Variants in LRP6 observed in about 807,000 individuals in gnomAD.
The protein encoded by LRP6 is low-density lipoprotein receptor-related protein 6.
In LRP6, 43 loss-of-function variants were observed where a neutral mutation model predicts 184.1. The observed-to-expected ratio is 0.23, with a 90% CI of 0.18 to 0.30. The LOEUF (loss-of-function observed/expected upper bound fraction) is 0.30. Among genes scored for constraint, LRP6 ranks in the 10% least tolerant of loss-of-function variants. The pLI is 1.00. For synonymous variants in LRP6, 719 were observed against 684.9 expected, an observed-to-expected ratio of 1.05 and a Z score of -0.78; for missense variants, 1,571 against 2,005.3, an observed-to-expected ratio of 0.78 and a Z score of 4.14.
intron 15 of LRP6, among the ~76,000 whole-genome samples, chr12:12,141,944 T>G (rs149343508): frequency 6.6e-6 from 1 of 152,188 alleles, no homozygotes; most frequent in East Asian, 1.9e-4. Context: ...ATAACTATGC[T>G]GGGGAGGATG....
chr12:12,191,362 TA>T (rs1863611217), intron 3 of LRP6, among the ~76,000 whole-genome samples: 1 of 151,972 alleles, frequency 6.6e-6, no homozygotes, highest in South Asian at 2.1e-4. Flanking sequence ...GCAGAAAAAG[TA>T]AAGTGGGAGA....
intron 1 of LRP6, among the ~76,000 whole-genome samples, chr12:12,251,635 T>C (rs1865328735): frequency 6.6e-6 from 1 of 152,132 alleles, no homozygotes; most frequent in Non-Finnish European, 1.5e-5. Context: ...CCCAAAGTGT[T>C]GGAATTACAG....
At chr12:12,141,004 A>T (rs963712510) in intron 15 of LRP6, among the ~76,000 whole-genome samples, 10 of 151,826 alleles carry the variant, frequency 6.6e-5, no homozygotes, top group African/African-American at 2.4e-4. Context: ...GCAAACTGAG[A>T]AAAGAAGTTA....
At chr12:12,256,805 C>T (rs1003363422) in intron 1 of LRP6, among the ~76,000 whole-genome samples, 3 of 151,382 alleles carry the variant, frequency 2.0e-5, no homozygotes, top group Non-Finnish European at 4.4e-5. Flanking sequence ...GACTCTGTTT[C>T]AAAAAAAACA....
At chr12:12,232,774 G>A (rs1156771878) in intron 2 of LRP6, among the ~76,000 whole-genome samples, 2 of 152,122 alleles carry the variant, frequency 1.3e-5, no homozygotes, top group Non-Finnish European at 1.5e-5. Context: ...CTCAGTGCAT[G>A]CTAAAATAAT....
At chr12:12,151,124 T>C in intron 12 of LRP6, 86 bp from the exon 13 acceptor site, 2 of 1,177,608 alleles carry the variant, frequency 1.7e-6, no homozygotes, top group Middle Eastern at 2.4e-4. Flanking sequence ...GTTGTATGTA[T>C]TTCATACAAA....
Position 12,244,662 on chromosome 12 carries a change from C to CA in LRP6, c.56-8dup. 6.2e-7 allele frequency: 1 copy of CA among 1,608,268 alleles called. No individual in the cohort carries two copies. Among genetic ancestry groups the CA allele is most frequent in the Non-Finnish European group, 8.5e-7 (1 of 1,178,206 alleles). ...TAAAGCAACAAAGGGGCCGCTAGAA[C>CA]AAAAAAAGAAAAATATGTAAGTGAA... On this transcript the variant is annotated splice_region_variant and splice_polypyrimidine_tract_variant and intron_variant, in intron 1 of 22. Coordinates refer to ENST00000261349, the MANE Select transcript of LRP6 (RefSeq NM_002336.3).
At position 12,266,831 on chromosome 12, in the gene LRP6, C is replaced by A. The variant is rs1305259243; in HGVS notation, c.-96G>T. On this transcript the variant is annotated 5_prime_UTR_variant, in exon 1 of 23. Coordinates refer to ENST00000261349, the MANE Select transcript of LRP6 (RefSeq NM_002336.3). Reference sequence around the variant, plus strand: ...CGGCCGCCGCAGCGGCAGGGCTGCACGCTCATACTTCCCAGCTTCCCAGCG... The same window carrying A: ...CGGCCGCCGCAGCGGCAGGGCTGCAAGCTCATACTTCCCAGCTTCCCAGCG... 3.1e-6 allele frequency: 3 copies of A among 964,486 alleles called. No homozygotes were observed. The East Asian group carries it at 7.7e-5, about 25-fold the overall frequency. The allele number at this position is 964,486 out of a possible 1,614,324, so 59.7% of individuals were successfully genotyped here.
At chr12:12,246,901 A>G (rs1425528223) in intron 1 of LRP6, among the ~76,000 whole-genome samples, 4 of 152,244 alleles carry the variant, frequency 2.6e-5, no homozygotes, top group African/African-American at 7.2e-5. Context: ...TACTATTTTC[A>G]TCTATAAGTA....
chr12:12,133,862 G>GGGAA (rs1949793348), intron 17 of LRP6, among the ~76,000 whole-genome samples: 2 of 38,668 alleles, frequency 5.2e-5, no homozygotes, highest in Admixed American at 3.3e-4. Flanking sequence ...GGGGGGGGGG[G>GGGAA]AGGGTAAAGT....
rs1316482087 is a variant in LRP6 at position 12,171,537 on chromosome 12, AAAT to A, written c.1546-6245_1546-6243del. The stretch of plus-strand genomic sequence containing the variant: ...ACTCAGTCTCAAAAAAAAATAAAAT[AAAT>A]AAATAAATAAATAAATAAATAAATA... On this transcript the variant is annotated intron_variant, in intron 7 of 22. Coordinates refer to ENST00000261349, the MANE Select transcript of LRP6 (RefSeq NM_002336.3). Among the ~76,000 whole-genome samples the A allele has an allele frequency of 0.01, 35 of 3,486 alleles. No homozygotes were observed. In the East Asian group the frequency reaches 0.13, roughly 13 times the overall value. The allele number at this position is 3,486 out of a possible 152,430, so 2.3% of individuals were successfully genotyped here. A position where few individuals can be genotyped will look rare whatever the true frequency, so the allele number is the denominator to read the frequency against.
rs571084089 is a variant in LRP6 at position 12,123,477 on chromosome 12, G to A, written c.4547+1088C>T. 5.8e-4 allele frequency among the ~76,000 whole-genome samples: 89 copies of A among 152,308 alleles called. 1 individual carries two copies. The highest frequency in any genetic ancestry group is 1.9e-3 in the African/African-American group (79 of 41,568). On this transcript the variant is annotated intron_variant, in intron 22 of 22. Coordinates refer to ENST00000261349, the MANE Select transcript of LRP6 (RefSeq NM_002336.3). ...TTCATTTCTACACATGGGTGAGGTC[G>A]TATCAGGCCAATTTGACTGAAATGC... is the stretch of plus-strand genomic sequence containing the variant.
rs34622238 is a variant in LRP6, at chr12:12,181,723, CTA to C, written c.977-286_977-285del. On this transcript the variant is annotated intron_variant, in intron 5 of 22. Coordinates refer to ENST00000261349, the MANE Select transcript of LRP6 (RefSeq NM_002336.3). ...TATTTAAAAGTACAATGAATAATGA[CTA>C]TGTAATGACTAAGAAGCTAAGTAGC... 1.7e-4 allele frequency among the ~76,000 whole-genome samples: 26 copies of C among 152,146 alleles called. No individual in the cohort carries two copies. In the East Asian group the frequency reaches 4.8e-3, roughly 28 times the overall value.
intron 12 of LRP6, among the ~76,000 whole-genome samples, chr12:12,157,780 CTCTT>C (rs1439388370): frequency 2.0e-5 from 3 of 152,154 alleles, no homozygotes; most frequent in Non-Finnish European, 2.9e-5. Context: ...CCATAATCTA[CTCTT>C]TCTGATTTAA....
At chr12:12,213,236 C>G (rs1434628891) in intron 2 of LRP6, among the ~76,000 whole-genome samples, 3 of 152,086 alleles carry the variant, frequency 2.0e-5, no homozygotes, top group Non-Finnish European at 2.9e-5. Flanking sequence ...TCTCATCTTA[C>G]ATGTATACTC....
At chr12:12,251,301 G>A (rs1237356212) in intron 1 of LRP6, among the ~76,000 whole-genome samples, 2 of 152,082 alleles carry the variant, frequency 1.3e-5, no homozygotes, top group African/African-American at 4.8e-5. Context: ...TTATAGTTAC[G>A]TAAAACTAGA....
chr12:12,125,446 A>G lies in LRP6; in HGVS notation c.4313-14T>C, dbSNP rs773240386. 43 of 1,612,996 alleles carry G rather than the reference A, an allele frequency of 2.7e-5. No homozygotes were observed. The highest frequency in any genetic ancestry group is 1.3e-4 in the Admixed American group (8 of 59,922). ...CTCGAGACATTCCTAAAATAAAAGG[A>G]GGTTAAAAACTGAAGATGAGTATGA... On this transcript the variant is annotated splice_polypyrimidine_tract_variant and intron_variant, in intron 20 of 22. Transcript: ENST00000261349.
chr12:12,145,624 C>CTTTTTTTT (rs1157764946), intron 15 of LRP6, among the ~76,000 whole-genome samples: 69 of 80,316 alleles, frequency 8.6e-4, no homozygotes, highest in Non-Finnish European at 1.1e-3. Context: ...TTTTCTTTTT[C>CTTTTTTTT]TTTTTTTTTT....
In LRP6 at chr12:12,150,942, C is replaced by G; in HGVS notation, c.2888G>C (p.Ser963Thr). The G allele has an allele frequency of 6.2e-7, 1 of 1,614,144 alleles. No homozygotes were observed. The highest frequency in any genetic ancestry group is 8.5e-7 in the Non-Finnish European group (1 of 1,180,008). ...GTCAATGGCCCGGACATTCCGAAGG[C>G]TGTGGATGGGAAGGATGATGTCGGG... ...QSPDIILPIH[S>T]LRNVRAIDYD... is the part of the protein sequence containing the mutation. The change falls in exon 13 of 23, where the codon AGC becomes ACC. Residue 963 changes from serine (S) to threonine (T), a missense_variant. By Grantham distance (58) the Ser-to-Thr change is moderately conservative. This residue lies in a region of LRP6 where 763 missense variants were observed against 859.5 expected (regional missense o/e 0.89). Coordinates refer to ENST00000261349, the MANE Select transcript of LRP6 (RefSeq NM_002336.3).
Sources: allele counts gnomAD v4.1 joint callset (sites outside exome capture counted in the v4.1 genomes callset), GRCh38; gene constraint gnomAD v4.1.1; regional missense constraint gnomAD v4.1.1; transcripts MANE v1.5; gene names NCBI Gene and HGNC (gene_info 2026-07-23, HGNC 2026-07-21).